FRMD6: variants seen among roughly 807,000 people sequenced by gnomAD.
The protein encoded by FRMD6 is FERM domain-containing protein 6.
A neutral mutation model predicts 73.2 loss-of-function variants in FRMD6; 37 were observed. The observed-to-expected ratio is 0.51, with a 90% CI of 0.39 to 0.66. The LOEUF (loss-of-function observed/expected upper bound fraction) is 0.66. FRMD6 is among the 30% of genes least tolerant of loss of function. The probability of loss-of-function intolerance (pLI) is 0.00; values close to 1 mark genes in which losing one functional copy is unlikely to be tolerated. For synonymous variants in FRMD6, 273 were observed against 282.2 expected (o/e 0.97, Z 0.33); for missense variants, 714 against 780.5 (o/e 0.91, Z 1.02).
intron 2 of FRMD6, among the ~76,000 whole-genome samples, chr14:51,637,143 G>C (rs1294891558): frequency 6.6e-6 from 1 of 152,102 alleles, no homozygotes; most frequent in Admixed American, 6.5e-5. Context: ...GATTGCTTGA[G>C]CCTGGGAGGT....
rs1898192170 is a variant in FRMD6 at position 51,730,356 on chromosome 14, T to A, written c.*2327T>A. 6.6e-6 allele frequency: 1 copy of A among 152,248 alleles called. No individual in the cohort carries two copies. Among genetic ancestry groups the A allele is most frequent in the Non-Finnish European group, 1.5e-5 (1 of 68,038 alleles). 9.4% of individuals were successfully genotyped at this position (152,248 alleles called of 1,614,324 possible). A position where few individuals can be genotyped will look rare whatever the true frequency, so the allele number is the denominator to read the frequency against. ...CACTTCTGCTTTTTGATCCACTGTT[T>A]GCAGCAGAATTATATATATGTATAG... is the stretch of plus-strand genomic sequence containing the variant. On this transcript the variant is annotated 3_prime_UTR_variant, in exon 14 of 14. Transcript: ENST00000344768.
intron 1 of FRMD6, among the ~76,000 whole-genome samples, chr14:51,661,859 C>G (rs928136592): frequency 3.3e-5 from 5 of 152,108 alleles, no homozygotes; most frequent in Non-Finnish European, 5.9e-5. Context: ...TACAAATATT[C>G]AATATTGATG....
At chr14:51,672,796 A>T (rs980150953) in intron 1 of FRMD6, among the ~76,000 whole-genome samples, 1 of 152,090 alleles carries the variant, frequency 6.6e-6, no homozygotes, top group Non-Finnish European at 1.5e-5. Context: ...TATTAATGTA[A>T]AATTATTCAT....
chr14:51,571,993 C>A (rs1191089870), intron 2 of FRMD6, among the ~76,000 whole-genome samples: 1 of 152,244 alleles, frequency 6.6e-6, no homozygotes, highest in Non-Finnish European at 1.5e-5. Flanking sequence ...AGCAGCAACA[C>A]CACTACTATG....
At chr14:51,648,078 G>A (rs182858035), upstream of FRMD6, among the ~76,000 whole-genome samples, 11 of 152,096 alleles carry the variant, frequency 7.2e-5, no homozygotes, top group South Asian at 2.1e-4. Flanking sequence ...GCCCACCTCC[G>A]TCTCCCAAAG....
intron 10 of FRMD6, 52 bp from the exon 11 acceptor site, chr14:51,720,003 C>T (rs1262398883): frequency 4.2e-6 from 6 of 1,433,692 alleles, no homozygotes; most frequent in South Asian, 1.3e-5. Context: ...CACTTAAGCT[C>T]ACCAGCCGTT....
At chr14:51,593,641 C>A (rs933558876) in intron 2 of FRMD6, among the ~76,000 whole-genome samples, 19 of 152,262 alleles carry the variant, frequency 1.2e-4, no homozygotes, top group African/African-American at 4.6e-4. Flanking sequence ...CAGGGGTGAA[C>A]TTGTGCTTTC....
intron 1 of FRMD6, among the ~76,000 whole-genome samples, chr14:51,678,881 G>C (rs986844486): frequency 1.3e-5 from 2 of 152,072 alleles, no homozygotes; most frequent in Non-Finnish European, 2.9e-5. Context: ...AATATTGTAG[G>C]CAGAGGGAAC....
At chr14:51,456,459 TGTC>T in the FRMD6 span, among the ~76,000 whole-genome samples, 1 of 152,362 alleles carries the variant, frequency 6.6e-6, no homozygotes, top group South Asian at 2.1e-4. Context: ...GCTTCATCCA[TGTC>T]CCTGCAAAGG....
At chr14:51,686,525 G>A (rs747200915) in intron 1 of FRMD6, among the ~76,000 whole-genome samples, 2 of 152,094 alleles carry the variant, frequency 1.3e-5, no homozygotes, top group Non-Finnish European at 2.9e-5. Context: ...TCCAGTGGGG[G>A]AATTGTATAG....
At position 51,655,944 on chromosome 14, in the gene FRMD6, A is replaced by T. The variant is rs930713788; in HGVS notation, c.-147+3948A>T. Reference sequence around the variant, plus strand: ...ACTTCCCATTTCAAAGACTGGAAACATTTTTTGTTTAAGTGCTAATGATTC... The same window carrying T: ...ACTTCCCATTTCAAAGACTGGAAACTTTTTTTGTTTAAGTGCTAATGATTC... On this transcript the variant is annotated intron_variant, in intron 1 of 13. Transcript: ENST00000344768. Among the ~76,000 whole-genome samples the T allele has an allele frequency of 3.9e-5, 6 of 152,192 alleles. No individual in the cohort carries two copies. The East Asian group carries it at 1.2e-3, about 29-fold the overall frequency.
intron 10 of FRMD6, among the ~76,000 whole-genome samples, chr14:51,715,718 C>T (rs112563993): frequency 1.0e-3 from 156 of 152,334 alleles, no homozygotes; most frequent in African/African-American, 3.5e-3. Context: ...TCTGAGGTGA[C>T]TGCATTTAGC....
At chr14:51,455,743 G>C in the FRMD6 span, among the ~76,000 whole-genome samples, 1 of 152,164 alleles carries the variant, frequency 6.6e-6, no homozygotes, top group South Asian at 2.1e-4. Flanking sequence ...CAAAGCAAAC[G>C]TCTGGGAATG....
chr14:51,634,870 T>G (rs2139997194), intron 2 of FRMD6, among the ~76,000 whole-genome samples: 1 of 152,358 alleles, frequency 6.6e-6, no homozygotes, highest in Non-Finnish European at 1.5e-5. Context: ...GATTAAATTA[T>G]CTATATATTT....
chr14:51,488,195 C>T (rs903593035), upstream of FRMD6, among the ~76,000 whole-genome samples: 6 of 152,288 alleles, frequency 3.9e-5, no homozygotes, highest in South Asian at 2.1e-4. Flanking sequence ...GGCAGGAGCC[C>T]GTCTCTGAAA....
intron 1 of FRMD6, among the ~76,000 whole-genome samples, chr14:51,679,566 T>C (rs2140294397): frequency 6.7e-6 from 1 of 149,312 alleles, no homozygotes; most frequent in African/African-American, 2.4e-5. Context: ...TTTTTTTTTT[T>C]TTTTTTTGCT....
chr14:51,693,628 T>C (rs1226645821), intron 2 of FRMD6, among the ~76,000 whole-genome samples: 1 of 152,082 alleles, frequency 6.6e-6, no homozygotes, highest in African/African-American at 2.4e-5. Flanking sequence ...TGCCTGCATA[T>C]GTGAATTGCT....
chr14:51,714,833 G>A (rs1167641067), intron 9 of FRMD6: 1 of 151,988 alleles, frequency 6.6e-6, no homozygotes, highest in Non-Finnish European at 1.5e-5. Context: ...GCTCCATGAG[G>A]GTAGGAACCT....
the FRMD6 span, among the ~76,000 whole-genome samples, chr14:51,482,325 T>C: frequency 6.6e-6 from 1 of 152,194 alleles, no homozygotes; most frequent in East Asian, 1.9e-4. Flanking sequence ...CGTGGTGTCA[T>C]GGAGACTGCA....
Sources: allele counts gnomAD v4.1 joint callset (sites outside exome capture counted in the v4.1 genomes callset), GRCh38; gene constraint gnomAD v4.1.1; transcripts MANE v1.5; gene names NCBI Gene and HGNC (gene_info 2026-07-23, HGNC 2026-07-21).